Variants in MICU3 observed in about 807,000 individuals in gnomAD.
The protein encoded by MICU3 is mitochondrial calcium uptake 3.
MICU3 carries 62 observed loss-of-function variants against 66.5 expected under a neutral mutation model. The observed-to-expected ratio is 0.93, with a 90% CI of 0.76 to 1.15. MICU3 has a LOEUF of 1.15. Among genes scored for constraint, MICU3 ranks in the 50% most tolerant of loss-of-function variants. The pLI is 0.00. For synonymous variants in MICU3, 308 were observed against 240.7 expected, an observed-to-expected ratio of 1.28 and a Z score of -2.59; for missense variants, 779 against 664.4, an observed-to-expected ratio of 1.17 and a Z score of -1.90.
intron 13 of MICU3, among the ~76,000 whole-genome samples, chr8:17,117,909 A>T (rs947341011): frequency 2.6e-5 from 4 of 152,178 alleles, no homozygotes; most frequent in African/African-American, 9.6e-5. Flanking sequence ...GTACCCGGCC[A>T]GTATTATACA....
At position 17,121,435 on chromosome 8, in the gene MICU3, ATACT is replaced by A. The variant is rs1371147968; in HGVS notation, c.*1151_*1154del. On this transcript the variant is annotated 3_prime_UTR_variant, in exon 15 of 15. Coordinates refer to ENST00000318063, the MANE Select transcript of MICU3 (RefSeq NM_181723.3). Reference sequence around the variant, plus strand: ...TTGTACATAGAGAAACAATTTGATAATACTTAATAGAAATCTGTTCAATTAAAAA... The same window carrying A: ...TTGTACATAGAGAAACAATTTGATAATAATAGAAATCTGTTCAATTAAAAA... 2.6e-5 allele frequency: 4 copies of A among 151,910 alleles called. No homozygotes were observed. The highest frequency in any genetic ancestry group is 2.1e-4 in the South Asian group (1 of 4,824). The allele number at this position is 151,910 out of a possible 1,614,324, so 9.4% of individuals were successfully genotyped here.
chr8:17,067,706 T>C (rs889197020), intron 2 of MICU3, among the ~76,000 whole-genome samples: 2 of 152,068 alleles, frequency 1.3e-5, no homozygotes, highest in African/African-American at 4.8e-5. Context: ...TCCAAAGGGG[T>C]GCAATTACAG....
chr8:17,095,241 T>C (rs192838015), intron 8 of MICU3, among the ~76,000 whole-genome samples: 1 of 152,136 alleles, frequency 6.6e-6, no homozygotes, highest in East Asian at 1.9e-4. Flanking sequence ...CTTTTGTCTT[T>C]AGCAGTTTTG....
intron 1 of MICU3, among the ~76,000 whole-genome samples, chr8:17,030,383 G>T (rs766781275): frequency 2.0e-5 from 3 of 152,240 alleles, no homozygotes; most frequent in Admixed American, 6.5e-5. Context: ...CTTCTTATTA[G>T]TGTAACATCC....
Position 17,064,133 on chromosome 8 carries a change from C to A in MICU3, c.431C>A (p.Ser144Tyr), listed in dbSNP as rs962518330. 6.2e-6 allele frequency: 10 copies of A among 1,613,228 alleles called. No individual in the cohort carries two copies. The highest frequency in any genetic ancestry group is 2.2e-5 in the East Asian group (1 of 44,842). ...GAAGACTTAGACCTTTATGCCACAT[C>A]TCGGGAGAGGCGATTTCGTTTATTT... ...DIEDLDLYAT[S>Y]RERRFRLFAS... Residue 144 changes from serine to tyrosine, a missense_variant, in exon 2 of 15, where the codon TCT becomes TAT. Transcript: ENST00000318063.
intron 5 of MICU3, among the ~76,000 whole-genome samples, chr8:17,083,175 G>T (rs1057369912): frequency 1.3e-5 from 2 of 152,072 alleles, no homozygotes; most frequent in African/African-American, 4.8e-5. Context: ...TTTCTCTTGA[G>T]CTGAGTCAGT....
At position 17,057,974 on chromosome 8, in the gene MICU3, A is replaced by C. The variant is rs532239361; in HGVS notation, c.382-6110A>C. On this transcript the variant is annotated intron_variant, in intron 1 of 14. Transcript: ENST00000318063. Reference sequence around the variant, plus strand: ...GTGATTCTCCTGCCTCAGCTCCCCAAGTAGCTGAGATTACAGGCACTCGCC... The same window carrying C: ...GTGATTCTCCTGCCTCAGCTCCCCACGTAGCTGAGATTACAGGCACTCGCC... 1.7e-3 allele frequency among the ~76,000 whole-genome samples: 266 copies of C among 152,140 alleles called. 7 individuals are homozygous for C. In the South Asian group the frequency reaches 0.051, roughly 29 times the overall value.
downstream of MICU3, among the ~76,000 whole-genome samples, chr8:17,125,121 T>C (rs1321676240): frequency 2.3e-5 from 2 of 88,246 alleles, no homozygotes; most frequent in Non-Finnish European, 4.5e-5. Flanking sequence ...ATAATGAATC[T>C]CCTATGAGTA....
At chr8:17,130,467 C>T in the MICU3 span, among the ~76,000 whole-genome samples, 248 of 151,126 alleles carry the variant, frequency 1.6e-3, 1 homozygote, top group East Asian at 8.4e-3. Context: ...TGCAGTGAGC[C>T]GAGATCGCAC....
intron 12 of MICU3, among the ~76,000 whole-genome samples, 197 bp from the exon 13 acceptor site, chr8:17,116,246 C>T (rs1010753950): frequency 3.3e-5 from 5 of 152,216 alleles, no homozygotes; most frequent in African/African-American, 7.2e-5. Flanking sequence ...ACCTAAGATA[C>T]AGCTGTTGCT....
chr8:17,124,163 C>T (rs1415632073), downstream of MICU3, among the ~76,000 whole-genome samples: 1 of 152,062 alleles, frequency 6.6e-6, no homozygotes, highest in African/African-American at 2.4e-5. Flanking sequence ...AAGTCCCCCT[C>T]CAAGACACAC....
chr8:17,059,262 C>T (rs17624794), intron 1 of MICU3, among the ~76,000 whole-genome samples: 22,423 of 152,056 alleles, frequency 0.15, 2,179 homozygotes, highest in East Asian at 0.38. Flanking sequence ...CTGATGAAAA[C>T]GTGAAGAAAC....
chr8:17,060,228 T>C (rs1197238040), intron 1 of MICU3, among the ~76,000 whole-genome samples: 1 of 152,132 alleles, frequency 6.6e-6, no homozygotes, highest in African/African-American at 2.4e-5. Context: ...TGAGTTCTCC[T>C]AGTTGATAAT....
At chr8:17,098,937 G>A (rs1490598701) in intron 9 of MICU3, among the ~76,000 whole-genome samples, 4 of 151,698 alleles carry the variant, frequency 2.6e-5, no homozygotes. Flanking sequence ...TTGATAGTGA[G>A]TGGCTTACCA....
At chr8:17,092,179 G>T (rs1377502150) in intron 8 of MICU3, among the ~76,000 whole-genome samples, 1 of 151,782 alleles carries the variant, frequency 6.6e-6, no homozygotes, top group Non-Finnish European at 1.5e-5. Flanking sequence ...CCTGACCTAT[G>T]ATTTATTTTT....
At chr8:17,085,023 T>C (rs1799319652) in intron 5 of MICU3, among the ~76,000 whole-genome samples, 2 of 152,108 alleles carry the variant, frequency 1.3e-5, no homozygotes, top group African/African-American at 2.4e-5. Flanking sequence ...TTTCTCTCAG[T>C]GCTATGCAAC....
At chr8:17,029,934 C>T (rs1275323909) in intron 1 of MICU3, among the ~76,000 whole-genome samples, 3 of 151,964 alleles carry the variant, frequency 2.0e-5, no homozygotes, top group Admixed American at 1.3e-4. Flanking sequence ...TCTTATATTT[C>T]GGTTTTAAAA....
intron 8 of MICU3, among the ~76,000 whole-genome samples, chr8:17,093,786 A>G (rs1369032755): frequency 6.6e-6 from 1 of 151,710 alleles, no homozygotes; most frequent in Non-Finnish European, 1.5e-5. Flanking sequence ...TATACTACCT[A>G]CCTCTATTTT....
chr8:17,057,214 C>T (rs1034608377), intron 1 of MICU3, among the ~76,000 whole-genome samples: 3 of 152,142 alleles, frequency 2.0e-5, no homozygotes, highest in Non-Finnish European at 4.4e-5. Context: ...TAAGCATGCA[C>T]TGCAGTTCCA....
Sources: allele counts gnomAD v4.1 joint callset (sites outside exome capture counted in the v4.1 genomes callset), GRCh38; gene constraint gnomAD v4.1.1; transcripts MANE v1.5; gene names NCBI Gene and HGNC (gene_info 2026-07-23, HGNC 2026-07-21).